Variants in VPS13D observed in about 807,000 individuals in gnomAD.
VPS13D encodes the protein vacuolar protein sorting 13 homolog D.
A neutral mutation model predicts 461.9 loss-of-function variants in VPS13D; 187 were observed. The ratio of observed to expected loss-of-function variants is 0.40; its 90% CI spans 0.36 to 0.46. The LOEUF (loss-of-function observed/expected upper bound fraction) is 0.46. VPS13D is among the 20% of genes least tolerant of loss of function. VPS13D has a pLI of 0.60. For synonymous variants in VPS13D, 1,951 were observed against 1,986.3 expected (o/e 0.98, Z 0.47); for missense variants, 4,711 against 5,364.9 (o/e 0.88, Z 3.81).
chr1:12,255,012 C>T (rs959304306), intron 7 of VPS13D, among the ~76,000 whole-genome samples: 2 of 151,558 alleles, frequency 1.3e-5, no homozygotes, highest in Admixed American at 1.3e-4. Context: ...GTGGCACGAT[C>T]TTGGCTCACT....
rs1470096438 is a variant in VPS13D at position 12,502,847 on chromosome 1, T to G, written c.12795-4006T>G. On this transcript the variant is annotated intron_variant, in intron 68 of 69. Coordinates refer to ENST00000620676, the MANE Select transcript of VPS13D (RefSeq NM_015378.4). The surrounding 1 kb of genome is among the most constrained non-coding windows in gnomAD (Gnocchi z 4.3). ...GTTTGGGGTAACTGGGCACCTGTTCTCAACAGAAGAGCTACCATTAACTGC... is the reference window on the plus strand; with the variant it reads ...GTTTGGGGTAACTGGGCACCTGTTCGCAACAGAAGAGCTACCATTAACTGC... Among the ~76,000 whole-genome samples the G allele has an allele frequency of 3.3e-5, 5 of 152,112 alleles. No homozygotes were observed. Among genetic ancestry groups the G allele is most frequent in the African/African-American group, 1.2e-4 (5 of 41,418 alleles).
intron 61 of VPS13D, among the ~76,000 whole-genome samples, chr1:12,400,958 GCGCGCACACACA>G (rs1375707855): frequency 3.7e-5 from 3 of 80,438 alleles, no homozygotes; most frequent in African/African-American, 1.5e-4. Flanking sequence ...GCACCTGCGC[GCGCGCACACACA>G]CACACACACA....
intron 60 of VPS13D, among the ~76,000 whole-genome samples, chr1:12,394,566 A>C (rs777825796): frequency 2.6e-5 from 4 of 152,184 alleles, no homozygotes; most frequent in African/African-American, 7.2e-5. Context: ...AGAGAAAAGC[A>C]ATTACAGGGC....
chr1:12,239,140 T>TC (rs1640261820), intron 2 of VPS13D, among the ~76,000 whole-genome samples: 1 of 152,082 alleles, frequency 6.6e-6, no homozygotes. Context: ...GATCTTTTTT[T>TC]CTTTTTTCTT....
intron 37 of VPS13D, among the ~76,000 whole-genome samples, chr1:12,331,873 A>G (rs1005204795): frequency 6.6e-6 from 1 of 152,158 alleles, no homozygotes; most frequent in Non-Finnish European, 1.5e-5. Context: ...CTAAATGTCA[A>G]ATGGTGTAAG....
At chr1:12,477,815 A>C (rs1332327510) in intron 67 of VPS13D, among the ~76,000 whole-genome samples, 2 of 152,240 alleles carry the variant, frequency 1.3e-5, no homozygotes, top group Admixed American at 1.3e-4. Context: ...CTACATTAAA[A>C]ATAAGACCAG....
At chr1:12,409,084 C>A (rs931159691) in intron 63 of VPS13D, among the ~76,000 whole-genome samples, 25 of 150,348 alleles carry the variant, frequency 1.7e-4, no homozygotes, top group African/African-American at 5.9e-4. Flanking sequence ...TTGCTTTTGG[C>A]GTGTGTGTGT....
Position 12,383,092 on chromosome 1 carries a change from G to A in VPS13D, c.11307G>A (p.Met3769Ile). The A allele has an allele frequency of 1.2e-6, 2 of 1,614,158 alleles. No individual in the cohort carries two copies. The highest frequency in any genetic ancestry group is 1.7e-6 in the Non-Finnish European group (2 of 1,180,018). The change falls in exon 58 of 70, where the codon ATG becomes ATA. Residue 3769 changes from methionine to isoleucine, a missense_variant. Around this residue, in one of 3 missense-constraint regions of VPS13D, gnomAD observed 4,411 missense variants for 4,937.8 expected, o/e 0.89. Transcript: ENST00000620676. ...AACAACAATTTATTAATCAAAAAAT[G>A]AGACCTGGTTCTGGAATGTTATCCA... is the stretch of plus-strand genomic sequence containing the variant. ...PPEQQFINQK[M>I]RPGSGMLSIR...
At chr1:12,493,957 G>A (rs1288945904) in intron 67 of VPS13D, among the ~76,000 whole-genome samples, 5 of 152,028 alleles carry the variant, frequency 3.3e-5, no homozygotes, top group Non-Finnish European at 5.9e-5. Flanking sequence ...GGAGTGGGGG[G>A]AAAATTCCTT....
chr1:12,359,548 C>T (rs774846510), intron 50 of VPS13D, among the ~76,000 whole-genome samples: 6 of 152,048 alleles, frequency 3.9e-5, no homozygotes, highest in Admixed American at 2.6e-4. Context: ...GCTACTGGCA[C>T]CGTATTGGAC....
At chr1:12,298,176 A>G (rs1005144143) in intron 24 of VPS13D, among the ~76,000 whole-genome samples, 1 of 152,152 alleles carries the variant, frequency 6.6e-6, no homozygotes, top group African/African-American at 2.4e-5. Flanking sequence ...TATTATTCCC[A>G]TTTTATAGAT....
At position 12,322,632 on chromosome 1, in the gene VPS13D, G is replaced by A; in HGVS notation, c.7801G>A (p.Val2601Met). The A allele has an allele frequency of 6.2e-7, 1 of 1,614,198 alleles. No individual in the cohort carries two copies. ...KSIPEQANAA[V>M]PDSVALESDS... ...CATCCCAGAGCAAGCTAATGCTGCA[G>A]TGCCAGACTCAGTGGCCCTGGAGTC... The change falls in exon 34 of 70, where the codon GTG becomes ATG. Residue 2601 changes from valine to methionine, a missense_variant. By Grantham distance (21) the Val-to-Met change is conservative. Transcript: ENST00000620676.
At chr1:12,410,949 G>T (rs185192134) in intron 63 of VPS13D, among the ~76,000 whole-genome samples, 4 of 152,298 alleles carry the variant, frequency 2.6e-5, no homozygotes, top group African/African-American at 9.6e-5. Flanking sequence ...GCTAAAAATA[G>T]AAGATAACTG....
At chr1:12,439,434 C>G (rs1645102499) in intron 65 of VPS13D, among the ~76,000 whole-genome samples, 1 of 151,812 alleles carries the variant, frequency 6.6e-6, no homozygotes, top group South Asian at 2.1e-4. Flanking sequence ...GACATCCCCT[C>G]CCCCATCTAA....
chr1:12,356,329 A>G, intron 48 of VPS13D, 69 bp from the exon 49 acceptor site: 1 of 1,531,394 alleles, frequency 6.5e-7, no homozygotes, highest in Non-Finnish European at 8.8e-7. Flanking sequence ...GGTTTTATTC[A>G]TTCACCATTT....
At chr1:12,257,179 C>A in intron 9 of VPS13D, 92 bp downstream of exon 9, 2 of 1,137,400 alleles carry the variant, frequency 1.8e-6, no homozygotes, top group Non-Finnish European at 1.3e-6. Flanking sequence ...GTCCTTTACC[C>A]ATGTTTGGAG....
At chr1:12,453,663 G>C (rs1314980263) in intron 65 of VPS13D, among the ~76,000 whole-genome samples, 5 of 152,154 alleles carry the variant, frequency 3.3e-5, no homozygotes, top group Non-Finnish European at 7.3e-5. Flanking sequence ...TGTGTAGTTT[G>C]TGTCCTGGGT....
intron 55 of VPS13D, among the ~76,000 whole-genome samples, chr1:12,376,969 C>T (rs1644206821): frequency 6.6e-6 from 1 of 152,162 alleles, no homozygotes; most frequent in Non-Finnish European, 1.5e-5. Context: ...GAAGTTACTT[C>T]ATCTCACCGA....
intron 52 of VPS13D, among the ~76,000 whole-genome samples, chr1:12,364,924 G>C (rs1426613977): frequency 6.6e-6 from 1 of 152,038 alleles, no homozygotes; most frequent in Non-Finnish European, 1.5e-5. Flanking sequence ...GATTTGTTTT[G>C]GGTTAATGTT....
Sources: allele counts gnomAD v4.1 joint callset (sites outside exome capture counted in the v4.1 genomes callset), GRCh38; gene constraint gnomAD v4.1.1; regional missense constraint gnomAD v4.1.1; non-coding constraint Gnocchi (gnomAD v3.1); transcripts MANE v1.5; gene names NCBI Gene and HGNC (gene_info 2026-07-23, HGNC 2026-07-21).